The following FSCN1 variants were observed in gnomAD, a reference collection of about 807,000 sequenced individuals.
The protein encoded by FSCN1 is fascin actin-bundling protein 1, also known as fascin.
A neutral mutation model predicts 39.7 loss-of-function variants in FSCN1; 10 were observed. That is an observed-to-expected ratio of 0.25 (90% CI 0.16 to 0.43). The LOEUF (loss-of-function observed/expected upper bound fraction) is 0.43. FSCN1 is among the 20% of genes least tolerant of loss of function. FSCN1 has a pLI of 1.00. For synonymous variants in FSCN1, 322 were observed against 320.0 expected (o/e 1.01, Z -0.07); for missense variants, 525 against 723.8 (o/e 0.73, Z 3.15).
At chr7:5,602,935 C>G in intron 1 of FSCN1, 1 of 374,104 alleles carries the variant, frequency 2.7e-6, no homozygotes, top group Non-Finnish European at 5.0e-6. Flanking sequence ...GTCTCAAACT[C>G]CTAGACTCAA....
At chr7:5,598,944 TGAGGGCAGC>T (rs1287626622) in intron 1 of FSCN1, among the ~76,000 whole-genome samples, 1 of 152,090 alleles carries the variant, frequency 6.6e-6, no homozygotes, top group Non-Finnish European at 1.5e-5. Context: ...GAGGGGGCGG[TGAGGGCAGC>T]TGTGCGGGTG....
Position 5,599,261 on chromosome 7 carries a change from TG to T in FSCN1, c.833-3990del, listed in dbSNP as rs931714893. On this transcript the variant is annotated intron_variant, in intron 1 of 4. Transcript: ENST00000382361. The surrounding 1 kb of genome is among the most constrained non-coding windows in gnomAD (Gnocchi z 5.6). Reference sequence around the variant, plus strand: ...CCGGCTTAAGGGGCCCCAGGGAACCTGGGGGGTGGAGCCCAAGGGGTTCCAA... The same window carrying T: ...CCGGCTTAAGGGGCCCCAGGGAACCTGGGGGTGGAGCCCAAGGGGTTCCAA... Among the ~76,000 whole-genome samples, 2 of 151,514 alleles carry T rather than the reference TG, an allele frequency of 1.3e-5. No homozygotes were observed. The highest frequency in any genetic ancestry group is 2.9e-5 in the Non-Finnish European group (2 of 67,808).
rs551716737 is a variant in FSCN1, at chr7:5,605,806, C to T, written c.*332C>T. On this transcript the variant is annotated 3_prime_UTR_variant, in exon 5 of 5. Transcript: ENST00000382361. The surrounding 1 kb of genome is among the most constrained non-coding windows in gnomAD (Gnocchi z 6.9). ...GCTCTGAGCCTTATTTCTCTGGAAGCGGCTAAGGGACGGTTGGGGGCTGGG... is the reference window on the plus strand; with the variant it reads ...GCTCTGAGCCTTATTTCTCTGGAAGTGGCTAAGGGACGGTTGGGGGCTGGG... The T allele has an allele frequency of 1.6e-5, 4 of 246,234 alleles. No individual in the cohort carries two copies. The South Asian group carries it at 2.8e-4, about 17-fold the overall frequency. 15.3% of individuals were successfully genotyped at this position (246,234 alleles called of 1,614,324 possible).
At chr7:5,598,016 G>C (rs3801002) in intron 1 of FSCN1, among the ~76,000 whole-genome samples, 1 of 152,194 alleles carries the variant, frequency 6.6e-6, no homozygotes, top group Non-Finnish European at 1.5e-5. Context: ...AAGGCCAAGC[G>C]AGGGCCTTGG....
At position 5,600,629 on chromosome 7, in the gene FSCN1, T is replaced by C. The variant is rs181959950; in HGVS notation, c.833-2628T>C. ...GCGTCAGCCTCCCGAGCAGCTGGGA[T>C]TACAGGCGCCCGGCACCACCCCCAG... On this transcript the variant is annotated intron_variant, in intron 1 of 4. Coordinates refer to ENST00000382361, the MANE Select transcript of FSCN1 (RefSeq NM_003088.4). Among the ~76,000 whole-genome samples, 339 of 144,966 alleles carry C rather than the reference T, an allele frequency of 2.3e-3. 2 individuals are homozygous for C. The highest frequency in any genetic ancestry group is 4.0e-3 in the Non-Finnish European group (266 of 66,376).
Position 5,606,483 on chromosome 7 carries a change from G to A in FSCN1, c.*1009G>A, listed in dbSNP as rs1785935635. On this transcript the variant is annotated 3_prime_UTR_variant, in exon 5 of 5. Coordinates refer to ENST00000382361, the MANE Select transcript of FSCN1 (RefSeq NM_003088.4). This position sits in a 1 kb window ranked among gnomAD's most constrained non-coding sequence, Gnocchi z 5.1. ...GCGTCGCCCCCTCCGGGAGCCCTGG[G>A]GTGAGCCGCCGGGGCCCCCCTGCTG... The A allele has an allele frequency of 1.3e-5, 2 of 152,240 alleles. No individual in the cohort carries two copies. Among genetic ancestry groups the A allele is most frequent in the Admixed American group, 6.5e-5 (1 of 15,278 alleles). 9.4% of individuals were successfully genotyped at this position (152,240 alleles called of 1,614,324 possible).
At chr7:5,598,853 G>A (rs1446623170) in intron 1 of FSCN1, among the ~76,000 whole-genome samples, 3 of 152,234 alleles carry the variant, frequency 2.0e-5, no homozygotes, top group South Asian at 2.1e-4. Context: ...TGGACAGGTG[G>A]TGCTCTGTGG....
At position 5,605,645 on chromosome 7, in the gene FSCN1, A is replaced by C; in HGVS notation, c.*171A>C. On this transcript the variant is annotated 3_prime_UTR_variant, in exon 5 of 5. Coordinates refer to ENST00000382361, the MANE Select transcript of FSCN1 (RefSeq NM_003088.4). The surrounding 1 kb of genome is among the most constrained non-coding windows in gnomAD (Gnocchi z 6.9). ...CACCTGTCGCCCCTATGGACTCCCC[A>C]CTCTCCCCTCCGCCCGGGTTCCCTA... 7 of 578,338 alleles carry C rather than the reference A, an allele frequency of 1.2e-5. No homozygotes were observed. The highest frequency in any genetic ancestry group is 2.1e-5 in the Non-Finnish European group (7 of 329,820). 35.8% of individuals were successfully genotyped at this position (578,338 alleles called of 1,614,324 possible). A position where few individuals can be genotyped will look rare whatever the true frequency, so the allele number is the denominator to read the frequency against.
At chr7:5,601,618 A>T (rs995623047) in intron 1 of FSCN1, among the ~76,000 whole-genome samples, 1 of 152,194 alleles carries the variant, frequency 6.6e-6, no homozygotes, top group African/African-American at 2.4e-5. Context: ...TAGGAGGATC[A>T]TGTGAGGCCG....
chr7:5,596,875 C>T (rs1050909408), intron 1 of FSCN1, among the ~76,000 whole-genome samples: 2 of 152,136 alleles, frequency 1.3e-5, no homozygotes, highest in Admixed American at 6.6e-5. Context: ...GACTGGAAAC[C>T]GGGGTGGTAA....
In FSCN1 at chr7:5,605,062, T is replaced by C. The variant is rs7782428; in HGVS notation, c.1280-210T>C. Among the ~76,000 whole-genome samples, 70,884 of 152,012 alleles carry C rather than the reference T, an allele frequency of 0.47. 16,859 individuals are homozygous for C. The highest frequency in any genetic ancestry group is 0.82 in the East Asian group (4,216 of 5,148). On this transcript the variant is annotated intron_variant, in intron 4 of 4. Transcript: ENST00000382361. The surrounding 1 kb of genome is among the most constrained non-coding windows in gnomAD (Gnocchi z 6.9). The stretch of plus-strand genomic sequence containing the variant: ...TGCTGGGATTACAGGCGTGAGCCAC[T>C]GCGGCCGAGCAGAACACGTTCTAGG...
At chr7:5,598,441 C>T (rs907948150) in intron 1 of FSCN1, among the ~76,000 whole-genome samples, 2 of 152,194 alleles carry the variant, frequency 1.3e-5, no homozygotes, top group Non-Finnish European at 2.9e-5. Flanking sequence ...GGATTAAGGC[C>T]GACGTGCATT....
At chr7:5,596,973 C>A (rs1366100181) in intron 1 of FSCN1, among the ~76,000 whole-genome samples, 1 of 152,130 alleles carries the variant, frequency 6.6e-6, no homozygotes, top group African/African-American at 2.4e-5. Flanking sequence ...ATCTGGGGAC[C>A]GTTAAGGCCT....
Position 5,603,719 on chromosome 7 carries a change from G to A in FSCN1, c.1111+102G>A. The A allele has an allele frequency of 6.4e-7, 1 of 1,555,986 alleles. No individual in the cohort carries two copies. Reference sequence around the variant, plus strand: ...CCCCAGCCAAGGCCTGCTCTGTGCTGGGCATCCCCCCGGACTGGCCCCGCA... The same window carrying A: ...CCCCAGCCAAGGCCTGCTCTGTGCTAGGCATCCCCCCGGACTGGCCCCGCA... On this transcript the variant is annotated intron_variant, in intron 3 of 4. Coordinates refer to ENST00000382361, the MANE Select transcript of FSCN1 (RefSeq NM_003088.4). This position sits in a 1 kb window ranked among gnomAD's most constrained non-coding sequence, Gnocchi z 8.5.
rs183523466 is a variant in FSCN1, at chr7:5,601,726, G to A, written c.833-1531G>A. ...GTGGTGGTGTGTGCCTGTAGTCTCA[G>A]CTATTTGGGAGGCTGAGGTGGGAGG... On this transcript the variant is annotated intron_variant, in intron 1 of 4. Transcript: ENST00000382361. Among the ~76,000 whole-genome samples, 34 of 152,228 alleles carry A rather than the reference G, an allele frequency of 2.2e-4. No individual in the cohort carries two copies. The East Asian group carries it at 6.6e-3, about 29-fold the overall frequency.
In FSCN1 at chr7:5,603,868, T is replaced by C; in HGVS notation, c.1117T>C (p.Ser373Pro). 1 of 1,613,362 alleles carries C rather than the reference T, an allele frequency of 6.2e-7. No individual in the cohort carries two copies. Among genetic ancestry groups the C allele is most frequent in the Non-Finnish European group, 8.5e-7 (1 of 1,179,718 alleles). Residue 373 changes from serine to proline, a missense_variant, in exon 4 of 5, where the codon TCA (serine) becomes CCA (proline). By Grantham distance (74) the Ser-to-Pro change is moderately conservative. This residue lies in a region of FSCN1 where 275 missense variants were observed against 351.9 expected (regional missense o/e 0.78). Coordinates refer to ENST00000382361, the MANE Select transcript of FSCN1 (RefSeq NM_003088.4). This position sits in a 1 kb window ranked among gnomAD's most constrained non-coding sequence, Gnocchi z 8.5. Reference sequence around the variant, plus strand: ...CTCCCCTCTTTCTGGGACAGGGGACTCAGAGCTCTTCCTCATGAAGCTCAT... The same window carrying C: ...CTCCCCTCTTTCTGGGACAGGGGACCCAGAGCTCTTCCTCATGAAGCTCAT... ...LAASVETAGD[S>P]ELFLMKLINR...
Position 5,594,685 on chromosome 7 carries a change from C to A in FSCN1, c.832+917C>A, listed in dbSNP as rs571133291. The A allele has an allele frequency of 2.2e-4, 34 of 152,190 alleles. No homozygotes were observed. In the East Asian group the frequency reaches 6.0e-3, roughly 27 times the overall value. The allele number at this position is 152,190 out of a possible 1,614,324, so 9.4% of individuals were successfully genotyped here. A position where few individuals can be genotyped will look rare whatever the true frequency, so the allele number is the denominator to read the frequency against. On this transcript the variant is annotated intron_variant, in intron 1 of 4. Transcript: ENST00000382361. ...CGGCGTGGCGCGGATGGCGGCCCTC[C>A]AGGCACCCCGCCCTTCGCCCGCCGC...
Position 5,603,196 on chromosome 7 carries a change from T to C in FSCN1, c.833-61T>C. ...GTGTAGTTCTGTGAGCTCAGGGCTATGGTCTGCCAGAACTAGGGGGCGTGG... is the reference window on the plus strand; with the variant it reads ...GTGTAGTTCTGTGAGCTCAGGGCTACGGTCTGCCAGAACTAGGGGGCGTGG... On this transcript the variant is annotated intron_variant, in intron 1 of 4. Coordinates refer to ENST00000382361, the MANE Select transcript of FSCN1 (RefSeq NM_003088.4). The surrounding 1 kb of genome is among the most constrained non-coding windows in gnomAD (Gnocchi z 8.5). 1 of 1,587,124 alleles carries C rather than the reference T, an allele frequency of 6.3e-7. No individual in the cohort carries two copies. Among genetic ancestry groups the C allele is most frequent in the South Asian group, 1.1e-5 (1 of 89,494 alleles).
chr7:5,594,044 A>AAC, intron 1 of FSCN1: 1 of 318,702 alleles, frequency 3.1e-6, no homozygotes, highest in South Asian at 4.8e-5. Context: ...GCACCCTCCT[A>AAC]ACCCCCCCCC....
Sources: gnomAD v4.1 joint callset for allele counts (sites outside exome capture counted in the v4.1 genomes callset) on GRCh38, gnomAD v4.1.1 for gene constraint, gnomAD v4.1.1 regional missense constraint, Gnocchi (gnomAD v3.1) non-coding constraint, MANE v1.5 for transcripts, NCBI Gene and HGNC (gene_info 2026-07-23, HGNC 2026-07-21) for gene names.